SLC24A3: variants seen among roughly 807,000 people sequenced by gnomAD.
The protein encoded by SLC24A3 is solute carrier family 24 member 3.
Under a neutral mutation model 75.8 loss-of-function variants are expected in SLC24A3, and 28 were observed. The observed-to-expected ratio is 0.37, with a 90% confidence interval of 0.27 to 0.51. The LOEUF is 0.51. Ranked by LOEUF, SLC24A3 falls within the 20% of genes least tolerant of loss-of-function variation. The probability of loss-of-function intolerance (pLI) is 0.94; values close to 1 mark genes in which losing one functional copy is unlikely to be tolerated. For synonymous variants in SLC24A3, 372 were observed against 334.1 expected, an observed-to-expected ratio of 1.11 and a Z score of -1.24; for missense variants, 663 against 847.8, an observed-to-expected ratio of 0.78 and a Z score of 2.71.
chr20:19,675,274 G>A (rs934367863), intron 9 of SLC24A3, among the ~76,000 whole-genome samples: 4 of 152,180 alleles, frequency 2.6e-5, no homozygotes, highest in Non-Finnish European at 4.4e-5. Flanking sequence ...ATATGTAGCC[G>A]TAGGAGTGAC....
At position 19,648,586 on chromosome 20, in the gene SLC24A3, A is replaced by G. The variant is rs886499584; in HGVS notation, c.613-5476A>G. Among the ~76,000 whole-genome samples, 5 of 151,894 alleles carry G rather than the reference A, an allele frequency of 3.3e-5. No homozygotes were observed. The East Asian group carries it at 9.6e-4, about 29-fold the overall frequency. ...ATATAATATTACAGATACGCAATCTATCTTCATATATACTATATGTATATT... is the reference window on the plus strand; with the variant it reads ...ATATAATATTACAGATACGCAATCTGTCTTCATATATACTATATGTATATT... On this transcript the variant is annotated intron_variant, in intron 6 of 16. Transcript: ENST00000328041.
chr20:19,413,501 A>G (rs1194556914), intron 2 of SLC24A3, among the ~76,000 whole-genome samples: 1 of 152,140 alleles, frequency 6.6e-6, no homozygotes, highest in Non-Finnish European at 1.5e-5. Flanking sequence ...CCGTTCTTTA[A>G]AGGAGACTGT....
rs77330126 is a variant in SLC24A3, at chr20:19,596,434, T to C, written c.612+10890T>C. Among the ~76,000 whole-genome samples the C allele has an allele frequency of 1.8e-3, 280 of 152,292 alleles. 1 individual carries two copies. The highest frequency in any genetic ancestry group is 6.6e-3 in the African/African-American group (276 of 41,564). ...AATATTTGTTAACTGTACAAATGAG[T>C]ACAAATCGCCATGAGCAATTAGGAG... On this transcript the variant is annotated intron_variant, in intron 6 of 16. Transcript: ENST00000328041.
At chr20:19,720,626 G>C (rs1393856572) in intron 16 of SLC24A3, among the ~76,000 whole-genome samples, 1 of 152,164 alleles carries the variant, frequency 6.6e-6, no homozygotes, top group Non-Finnish European at 1.5e-5. Context: ...AGTGTCCCCA[G>C]GGGAGTGGGG....
At chr20:19,246,983 CT>C (rs1428672365) in intron 1 of SLC24A3, among the ~76,000 whole-genome samples, 7 of 152,120 alleles carry the variant, frequency 4.6e-5, no homozygotes, top group Admixed American at 2.0e-4. Flanking sequence ...ATTGTCATCC[CT>C]TTTAATCAAT....
chr20:19,440,813 G>C (rs1293046972), intron 2 of SLC24A3, among the ~76,000 whole-genome samples: 2 of 152,154 alleles, frequency 1.3e-5, no homozygotes, highest in Non-Finnish European at 2.9e-5. Flanking sequence ...GGGATGGATG[G>C]AAGATGAACT....
intron 2 of SLC24A3, among the ~76,000 whole-genome samples, chr20:19,471,540 G>A (rs910974073): frequency 1.2e-4 from 19 of 152,170 alleles, no homozygotes; most frequent in African/African-American, 4.3e-4. Flanking sequence ...CTGGGTGGGA[G>A]AAGTCCCTAT....
chr20:19,360,269 A>G (rs1396440789), intron 2 of SLC24A3, among the ~76,000 whole-genome samples: 1 of 152,228 alleles, frequency 6.6e-6, no homozygotes, highest in East Asian at 1.9e-4. Flanking sequence ...GAGTCAACTG[A>G]TCCTGTCGAT....
chr20:19,665,969 CAAGA>C (rs2032394628), intron 8 of SLC24A3, 80 bp downstream of exon 8: 1 of 1,488,406 alleles, frequency 6.7e-7, no homozygotes, highest in Non-Finnish European at 9.2e-7. Context: ...TGTTGGGATT[CAAGA>C]AAGAAAGGGA....
intron 2 of SLC24A3, among the ~76,000 whole-genome samples, chr20:19,466,744 C>G (rs1460381565): frequency 6.6e-6 from 1 of 152,148 alleles, no homozygotes; most frequent in Non-Finnish European, 1.5e-5. Context: ...TGGCTTCTGC[C>G]AAGACCGGTG....
intron 1 of SLC24A3, among the ~76,000 whole-genome samples, chr20:19,216,718 T>C (rs1329359761): frequency 1.3e-5 from 2 of 152,358 alleles, no homozygotes; most frequent in Middle Eastern, 3.4e-3. Flanking sequence ...TGTATTTATG[T>C]ATATACTTTG....
chr20:19,284,985 G>T (rs1310685977), intron 2 of SLC24A3, among the ~76,000 whole-genome samples: 1 of 152,010 alleles, frequency 6.6e-6, no homozygotes, highest in Non-Finnish European at 1.5e-5. Context: ...TGTGTTTGCA[G>T]AATTCCATGC....
intron 2 of SLC24A3, among the ~76,000 whole-genome samples, chr20:19,395,734 A>G (rs1986442797): frequency 2.6e-5 from 4 of 152,250 alleles, no homozygotes; most frequent in Admixed American, 2.0e-4. Context: ...TAGGAATTTT[A>G]TAGCAGAAAG....
At chr20:19,592,493 G>A (rs1446663042) in intron 6 of SLC24A3, among the ~76,000 whole-genome samples, 1 of 152,142 alleles carries the variant, frequency 6.6e-6, no homozygotes, top group Non-Finnish European at 1.5e-5. Flanking sequence ...TGCAAGAGAG[G>A]TACTCATAAT....
intron 1 of SLC24A3, among the ~76,000 whole-genome samples, chr20:19,223,540 G>A (rs1479671103): frequency 6.6e-6 from 1 of 152,110 alleles, no homozygotes; most frequent in Non-Finnish European, 1.5e-5. Context: ...TACATACACT[G>A]TGTTTTTTCC....
intron 2 of SLC24A3, among the ~76,000 whole-genome samples, chr20:19,308,726 G>C (rs534593476): frequency 1.3e-5 from 2 of 152,296 alleles, no homozygotes; most frequent in African/African-American, 4.8e-5. Flanking sequence ...TTATTTCATC[G>C]TTAAGGAGCC....
At chr20:19,680,160 GTCTGTGTGTC>G (rs1296398760) in intron 9 of SLC24A3, among the ~76,000 whole-genome samples, 6 of 147,594 alleles carry the variant, frequency 4.1e-5, no homozygotes, top group African/African-American at 1.0e-4. Context: ...GTCTGTGTGT[GTCTGTGTGTC>G]TCTGTGTGTC....
At chr20:19,625,724 T>C (rs764828089) in intron 6 of SLC24A3, among the ~76,000 whole-genome samples, 2 of 152,188 alleles carry the variant, frequency 1.3e-5, no homozygotes, top group Non-Finnish European at 2.9e-5. Context: ...GGAGCCAAAA[T>C]GACTGCAAAC....
chr20:19,291,693 C>G (rs1983945289), intron 2 of SLC24A3, among the ~76,000 whole-genome samples: 1 of 152,244 alleles, frequency 6.6e-6, no homozygotes, highest in African/African-American at 2.4e-5. Flanking sequence ...TTGGGCCCAG[C>G]CCAGTGGCTC....
Sources: gnomAD v4.1 joint callset for allele counts (sites outside exome capture counted in the v4.1 genomes callset) on GRCh38, gnomAD v4.1.1 for gene constraint, MANE v1.5 for transcripts, NCBI Gene and HGNC (gene_info 2026-07-23, HGNC 2026-07-21) for gene names.